ASRGL1: variants seen among roughly 807,000 people sequenced by gnomAD.
ASRGL1 encodes the protein isoaspartyl peptidase/L-asparaginase.
In ASRGL1, 16 loss-of-function variants were observed where a neutral mutation model predicts 22.4. That is an observed-to-expected ratio of 0.71 (90% confidence interval 0.48 to 1.08). The LOEUF (loss-of-function observed/expected upper bound fraction) is 1.08. Among genes scored for constraint, ASRGL1 ranks in the 50% least tolerant of loss-of-function variants. The pLI is 0.00. For synonymous variants in ASRGL1, 165 were observed against 159.3 expected (o/e 1.04, Z -0.27); for missense variants, 412 against 410.1 (o/e 1.00, Z -0.04).
chr11:62,340,238 C>T (rs943002397), intron 2 of ASRGL1, among the ~76,000 whole-genome samples: 2 of 152,172 alleles, frequency 1.3e-5, no homozygotes, highest in African/African-American at 4.8e-5. Context: ...CCACTGCACT[C>T]CAGCCTGGGT....
At chr11:62,354,732 A>T (rs1946239331) in intron 2 of ASRGL1, among the ~76,000 whole-genome samples, 1 of 152,156 alleles carries the variant, frequency 6.6e-6, no homozygotes, top group Non-Finnish European at 1.5e-5. Context: ...GGAATTTTCC[A>T]TTTAATAATT....
At chr11:62,337,826 C>T in intron 1 of ASRGL1, 64 bp from the exon 2 acceptor site, 1 of 795,056 alleles carries the variant, frequency 1.3e-6, no homozygotes, top group Non-Finnish European at 1.9e-6. Flanking sequence ...GACCGAGCCG[C>T]CCCTACCCAC....
intron 4 of ASRGL1, chr11:62,372,822 T>C: frequency 6.2e-7 from 1 of 1,601,776 alleles, no homozygotes; most frequent in Non-Finnish European, 8.5e-7. Flanking sequence ...GGGTGGTCTG[T>C]TTTTCTGGGG....
chr11:62,364,158 CA>C lies in ASRGL1; in HGVS notation c.491+7034del, dbSNP rs71053048. Reference sequence around the variant, plus strand: ...TGGGTGACAGGGTAAGAGTCCGTCTCAAAAAAAAAAAAAAAAAAAATCAGTA... The same window carrying C: ...TGGGTGACAGGGTAAGAGTCCGTCTCAAAAAAAAAAAAAAAAAAATCAGTA... On this transcript the variant is annotated intron_variant, in intron 4 of 6. Coordinates refer to ENST00000415229, the MANE Select transcript of ASRGL1 (RefSeq NM_001083926.2). Among the ~76,000 whole-genome samples, 689 of 93,468 alleles carry C rather than the reference CA, an allele frequency of 7.4e-3. 5 individuals are homozygous for C. Among genetic ancestry groups the C allele is most frequent in the African/African-American group, 0.028 (616 of 22,264 alleles). 61.3% of individuals were successfully genotyped at this position (93,468 alleles called of 152,430 possible). A position where few individuals can be genotyped will look rare whatever the true frequency, so the allele number is the denominator to read the frequency against.
downstream of ASRGL1, among the ~76,000 whole-genome samples, chr11:62,394,921 T>C (rs978025785): frequency 6.6e-6 from 1 of 152,100 alleles, no homozygotes; most frequent in Non-Finnish European, 1.5e-5. Context: ...TGTCCATGGC[T>C]CACTGTCAAA....
chr11:62,353,087 A>G (rs11231042), intron 2 of ASRGL1, among the ~76,000 whole-genome samples: 51,587 of 151,898 alleles, frequency 0.34, 10,115 homozygotes, highest in Middle Eastern at 0.48. Context: ...TTATGGTCCC[A>G]CTGGTTGGCT....
At chr11:62,354,037 A>G (rs1208988310) in intron 2 of ASRGL1, among the ~76,000 whole-genome samples, 1 of 152,226 alleles carries the variant, frequency 6.6e-6, no homozygotes, top group Non-Finnish European at 1.5e-5. Context: ...GCATGTAATC[A>G]GGGCAGCAAA....
In ASRGL1 at chr11:62,368,930, A is replaced by C. The variant is rs568598550; in HGVS notation, c.491+11786A>C. On this transcript the variant is annotated intron_variant, in intron 4 of 6. Transcript: ENST00000415229. ...AACATACAATCGGGTTTTACACCCG[A>C]GACATTCCATTGCCCAGGGATGAGC... Among the ~76,000 whole-genome samples, 171 of 152,220 alleles carry C rather than the reference A, an allele frequency of 1.1e-3. 5 individuals carry two copies. In the South Asian group the frequency reaches 0.033, roughly 30 times the overall value.
At chr11:62,362,511 C>T (rs59990083) in intron 4 of ASRGL1, among the ~76,000 whole-genome samples, 1,260 of 38,578 alleles carry the variant, frequency 0.033, 20 homozygotes, top group South Asian at 0.043. Flanking sequence ...AAATATATAA[C>T]ATATATTATT....
At chr11:62,383,261 A>G (rs1947116306) in intron 4 of ASRGL1, 1 of 152,194 alleles carries the variant, frequency 6.6e-6, no homozygotes, top group Admixed American at 6.5e-5. Flanking sequence ...TTGACTCAAG[A>G]AAGCTTGTCT....
intron 2 of ASRGL1, among the ~76,000 whole-genome samples, chr11:62,353,136 G>C (rs1332524032): frequency 6.6e-6 from 1 of 151,962 alleles, no homozygotes; most frequent in East Asian, 1.9e-4. Context: ...GCCCTGTTCT[G>C]TTGTTCAGAC....
intron 4 of ASRGL1, among the ~76,000 whole-genome samples, chr11:62,373,880 T>G (rs183156303): frequency 1.3e-4 from 20 of 152,362 alleles, no homozygotes; most frequent in African/African-American, 4.3e-4. Context: ...CAGGTGATTA[T>G]GGAACCATGG....
intron 4 of ASRGL1, among the ~76,000 whole-genome samples, chr11:62,357,864 A>G (rs1565159323): frequency 1.3e-5 from 2 of 152,196 alleles, no homozygotes; most frequent in South Asian, 2.1e-4. Context: ...AATTAAATCT[A>G]TTGACTCCGC....
intron 4 of ASRGL1, among the ~76,000 whole-genome samples, chr11:62,387,899 G>A (rs923549094): frequency 2.0e-5 from 3 of 152,140 alleles, no homozygotes; most frequent in African/African-American, 7.2e-5. Flanking sequence ...GGGTGTTCGT[G>A]TACAATTTGT....
rs534490603 is a variant in ASRGL1, at chr11:62,363,853, G to A, written c.491+6709G>A. On this transcript the variant is annotated intron_variant, in intron 4 of 6. Coordinates refer to ENST00000415229, the MANE Select transcript of ASRGL1 (RefSeq NM_001083926.2). The stretch of plus-strand genomic sequence containing the variant: ...TTGCCATTTTGTCAATAGAAGTCAC[G>A]TTAAGTATAAGAACATCATCAGGCC... Among the ~76,000 whole-genome samples the A allele has an allele frequency of 2.2e-4, 34 of 152,050 alleles. No homozygotes were observed. In the South Asian group the frequency reaches 6.7e-3, roughly 30 times the overall value.
intron 4 of ASRGL1, among the ~76,000 whole-genome samples, chr11:62,362,999 A>G (rs1013157978): frequency 7.4e-5 from 9 of 120,918 alleles, no homozygotes; most frequent in Admixed American, 1.2e-4. Context: ...GCTTACTGCA[A>G]GCTCCGCCTC....
At chr11:62,383,625 A>AAAAAAAAAAAAAAAAAAAAC (rs1947129224) in intron 4 of ASRGL1, among the ~76,000 whole-genome samples, 1 of 145,234 alleles carries the variant, frequency 6.9e-6, no homozygotes, top group Non-Finnish European at 1.5e-5. Flanking sequence ...AAAAAAAAAA[A>AAAAAAAAAAAAAAAAAAAAC]AAAGAACATC....
chr11:62,395,449 G>A (rs1028834018), downstream of ASRGL1, among the ~76,000 whole-genome samples: 2 of 152,116 alleles, frequency 1.3e-5, no homozygotes, highest in African/African-American at 4.8e-5. Flanking sequence ...CCCACTGCTG[G>A]GCTGCAGAGA....
chr11:62,365,384 C>T lies in ASRGL1; in HGVS notation c.491+8240C>T, dbSNP rs112288639. Among the ~76,000 whole-genome samples, 1,466 of 148,920 alleles carry T rather than the reference C, an allele frequency of 9.8e-3. 28 individuals carry two copies. The highest frequency in any genetic ancestry group is 0.032 in the African/African-American group (1,279 of 40,528). On this transcript the variant is annotated intron_variant, in intron 4 of 6. Coordinates refer to ENST00000415229, the MANE Select transcript of ASRGL1 (RefSeq NM_001083926.2). The stretch of plus-strand genomic sequence containing the variant: ...GCCTGGCCAACATGGTGAAACCCCA[C>T]TTCTACTAAATATACAAAAATTAGC...
Sources: gnomAD v4.1 joint callset for allele counts (sites outside exome capture counted in the v4.1 genomes callset) on GRCh38, gnomAD v4.1.1 for gene constraint, MANE v1.5 for transcripts, NCBI Gene and HGNC (gene_info 2026-07-23, HGNC 2026-07-21) for gene names.